Variants in CACNA1E observed in about 807,000 individuals in gnomAD.
CACNA1E encodes the protein calcium voltage-gated channel subunit alpha1 E, also known as voltage-dependent R-type calcium channel subunit alpha-1E.
In CACNA1E, 40 loss-of-function variants were observed where a neutral mutation model predicts 259.2. That is an observed-to-expected ratio of 0.15 (90% CI 0.12 to 0.20). The LOEUF (loss-of-function observed/expected upper bound fraction) is 0.20, where lower values mean the gene tolerates loss of function less well. Ranked by LOEUF, CACNA1E falls within the 10% of genes least tolerant of loss-of-function variation. The probability of loss-of-function intolerance (pLI) is 1.00; values close to 1 mark genes in which losing one functional copy is unlikely to be tolerated. For missense variants in CACNA1E, 1,874 were observed against 3,040.1 expected, an observed-to-expected ratio of 0.62 and a Z score of 9.02; for synonymous variants, 1,104 against 1,138.5, an observed-to-expected ratio of 0.97 and a Z score of 0.61.
At chr1:181,516,863 G>A (rs1049026547) in intron 3 of CACNA1E, among the ~76,000 whole-genome samples, 8 of 152,216 alleles carry the variant, frequency 5.3e-5, no homozygotes, top group South Asian at 2.1e-4. Context: ...TCAGCCTTGC[G>A]TGGGAGGTGA....
intron 1 of CACNA1E, among the ~76,000 whole-genome samples, chr1:181,412,257 A>G (rs1472040555): frequency 6.6e-6 from 1 of 152,196 alleles, no homozygotes; most frequent in Non-Finnish European, 1.5e-5. Context: ...GAACCTGCAT[A>G]CAGGACCCAG....
At chr1:181,414,266 A>G (rs1236871935) in intron 2 of CACNA1E, among the ~76,000 whole-genome samples, 1 of 152,242 alleles carries the variant, frequency 6.6e-6, no homozygotes, top group African/African-American at 2.4e-5. Context: ...TTTACTCGGC[A>G]TGCTGGCATG....
At chr1:181,430,345 G>C (rs561177166) in intron 2 of CACNA1E, among the ~76,000 whole-genome samples, 2 of 152,326 alleles carry the variant, frequency 1.3e-5, no homozygotes, top group African/African-American at 4.8e-5. Context: ...CCGAAAGAGG[G>C]TTGCCTTTTT....
intron 2 of CACNA1E, among the ~76,000 whole-genome samples, chr1:181,477,878 C>T (rs1662968208): frequency 6.6e-6 from 1 of 152,210 alleles, no homozygotes; most frequent in African/African-American, 2.4e-5. Context: ...CACAACAGCC[C>T]AGTGGAGCAG....
chr1:181,651,512 AT>A lies in CACNA1E; in HGVS notation c.1055+72del. On this transcript the variant is annotated intron_variant, in intron 7 of 47. Transcript: ENST00000367573. ...ACTGTAAACTAATGCCTCCTGACTCATGGCAGATTCATTCATTTAACCTTCA... is the reference window on the plus strand; with the variant it reads ...ACTGTAAACTAATGCCTCCTGACTCAGGCAGATTCATTCATTTAACCTTCA... 5 of 1,051,480 alleles carry A rather than the reference AT, an allele frequency of 4.8e-6. No individual in the cohort carries two copies. The South Asian group carries it at 5.4e-5, about 11-fold the overall frequency. 65.1% of individuals were successfully genotyped at this position (1,051,480 alleles called of 1,614,324 possible). A position where few individuals can be genotyped will look rare whatever the true frequency, so the allele number is the denominator to read the frequency against.
At chr1:181,492,913 T>C (rs1336661109) in intron 1 of CACNA1E, among the ~76,000 whole-genome samples, 1 of 152,198 alleles carries the variant, frequency 6.6e-6, no homozygotes, top group Non-Finnish European at 1.5e-5. Flanking sequence ...TTTGAAACTC[T>C]ATGGAACTTC....
chr1:181,453,045 T>G (rs778625026), intron 2 of CACNA1E, among the ~76,000 whole-genome samples: 1 of 152,236 alleles, frequency 6.6e-6, no homozygotes, highest in Non-Finnish European at 1.5e-5. Flanking sequence ...TTTGGACACT[T>G]TGTGGCAGTG....
intron 1 of CACNA1E, among the ~76,000 whole-genome samples, chr1:181,490,036 C>T (rs375883612): frequency 6.6e-6 from 1 of 152,172 alleles, no homozygotes; most frequent in South Asian, 2.1e-4. Context: ...TTTAGACTCC[C>T]CCAACCTCGT....
At chr1:181,390,072 G>A (rs1018887915) in intron 1 of CACNA1E, among the ~76,000 whole-genome samples, 7 of 152,184 alleles carry the variant, frequency 4.6e-5, no homozygotes, top group Non-Finnish European at 7.3e-5. Context: ...CTGAGAGCAC[G>A]AGGACTTTGC....
intron 1 of CACNA1E, among the ~76,000 whole-genome samples, chr1:181,490,083 T>G (rs1329012880): frequency 6.6e-6 from 1 of 152,216 alleles, no homozygotes; most frequent in Admixed American, 6.5e-5. Flanking sequence ...GAGAGATGTT[T>G]ATGGTGTATC....
chr1:181,788,823 A>G (rs1661059487), intron 43 of CACNA1E, among the ~76,000 whole-genome samples: 1 of 152,232 alleles, frequency 6.6e-6, no homozygotes, highest in Non-Finnish European at 1.5e-5. Context: ...CTCTCCCTCT[A>G]GTGAGGATTC....
intron 27 of CACNA1E, among the ~76,000 whole-genome samples, chr1:181,754,601 A>C (rs905084986): frequency 9.9e-5 from 15 of 152,214 alleles, no homozygotes; most frequent in African/African-American, 3.6e-4. Context: ...TCTCTAAGAG[A>C]AGGTGTCTAT....
intron 1 of CACNA1E, among the ~76,000 whole-genome samples, chr1:181,320,541 A>G (rs957442351): frequency 2.6e-5 from 4 of 152,232 alleles, no homozygotes; most frequent in African/African-American, 9.6e-5. Flanking sequence ...TTAAGTAGGT[A>G]TCCCCATTTT....
rs183916431 is a variant in CACNA1E, at chr1:181,749,399, T to C, written c.3720-1077T>C. 3.3e-5 allele frequency among the ~76,000 whole-genome samples: 5 copies of C among 152,302 alleles called. 1 individual carries two copies. The highest frequency in any genetic ancestry group is 3.3e-4 in the Admixed American group (5 of 15,306). Reference sequence around the variant, plus strand: ...TCAGTTTCCTGTGCAGTTGGGTGGATTTCAGGGATCTCTTCCAGCTCAGAA... The same window carrying C: ...TCAGTTTCCTGTGCAGTTGGGTGGACTTCAGGGATCTCTTCCAGCTCAGAA... On this transcript the variant is annotated intron_variant, in intron 25 of 47. Coordinates refer to ENST00000367573, the MANE Select transcript of CACNA1E (RefSeq NM_001205293.3).
intron 1 of CACNA1E, among the ~76,000 whole-genome samples, chr1:181,488,382 A>T (rs1482274007): frequency 2.0e-5 from 3 of 152,246 alleles, no homozygotes; most frequent in Non-Finnish European, 2.9e-5. Flanking sequence ...AGAGGGGTTC[A>T]TATCTTCTGT....
chr1:181,629,072 G>A (rs977606938), intron 6 of CACNA1E, among the ~76,000 whole-genome samples: 4 of 152,170 alleles, frequency 2.6e-5, no homozygotes, highest in African/African-American at 4.8e-5. Flanking sequence ...GTGGTAGCAC[G>A]GAGTCCCTCT....
In CACNA1E at chr1:181,755,260, C is replaced by A; in HGVS notation, c.3852C>A (p.Thr1284=). The A allele has an allele frequency of 1.2e-6, 2 of 1,613,850 alleles. No individual in the cohort carries two copies. The highest frequency in any genetic ancestry group is 1.7e-6 in the Non-Finnish European group (2 of 1,179,772). The change falls in exon 28 of 48, where the codon ACC becomes ACA. Residue 1284 remains threonine, a synonymous_variant. Transcript: ENST00000367573. ...KLKAVFDCVV[T]SLKNVFNILI... is the part of the protein sequence containing the mutation. Reference sequence around the variant, plus strand: ...AGGCCGTCTTCGACTGCGTAGTGACCTCCTTGAAGAATGTCTTCAACATAC... The same window carrying A: ...AGGCCGTCTTCGACTGCGTAGTGACATCCTTGAAGAATGTCTTCAACATAC...
intron 3 of CACNA1E, among the ~76,000 whole-genome samples, chr1:181,536,710 GA>G (rs1342677495): frequency 1.3e-5 from 2 of 152,208 alleles, no homozygotes; most frequent in African/African-American, 4.8e-5. Flanking sequence ...CAAGGGTATA[GA>G]AGTGGTGAGA....
intron 1 of CACNA1E, among the ~76,000 whole-genome samples, chr1:181,373,954 C>T (rs1465654512): frequency 1.3e-5 from 2 of 152,094 alleles, no homozygotes; most frequent in African/African-American, 2.4e-5. Context: ...ACAAAACAAA[C>T]TTTTGGTTTT....
Sources: allele counts gnomAD v4.1 joint callset (sites outside exome capture counted in the v4.1 genomes callset), GRCh38; gene constraint gnomAD v4.1.1; transcripts MANE v1.5; gene names NCBI Gene and HGNC (gene_info 2026-07-23, HGNC 2026-07-21).